Variants in MAPK14 observed in about 807,000 individuals in gnomAD.
MAPK14 encodes CSAID-binding protein.
In MAPK14, 16 loss-of-function variants were observed where a neutral mutation model predicts 49.6. The observed-to-expected ratio is 0.32, with a 90% confidence interval of 0.22 to 0.49. The LOEUF (loss-of-function observed/expected upper bound fraction) is 0.49. Ranked by LOEUF, MAPK14 falls within the 20% of genes least tolerant of loss-of-function variation. MAPK14 has a pLI of 0.99. For missense variants in MAPK14, 200 were observed against 441.2 expected (o/e 0.45, Z 4.90); for synonymous variants, 142 against 158.0 (o/e 0.90, Z 0.76).
intron 1 of MAPK14, among the ~76,000 whole-genome samples, chr6:36,051,187 C>G (rs191920125): frequency 2.2e-4 from 33 of 151,584 alleles, no homozygotes; most frequent in African/African-American, 7.0e-4. Flanking sequence ...GCAATCTCAG[C>G]TCACTGCAAC....
At chr6:36,079,617 C>G (rs1764668590) in intron 8 of MAPK14, among the ~76,000 whole-genome samples, 2 of 152,188 alleles carry the variant, frequency 1.3e-5, no homozygotes, top group South Asian at 4.1e-4. Flanking sequence ...AAAGCTTGCT[C>G]TAGAAGGTAC....
At chr6:36,113,428 C>A (rs1479151979), downstream of MAPK14, among the ~76,000 whole-genome samples, 1 of 144,134 alleles carries the variant, frequency 6.9e-6, no homozygotes, top group Non-Finnish European at 1.5e-5. Flanking sequence ...CAGCAAAATA[C>A]TGGAAGTAAC....
rs1021923083 is a variant in MAPK14 at position 36,110,063 on chromosome 6, G to A, written c.*1616G>A. 1.3e-5 allele frequency: 2 copies of A among 152,136 alleles called. No homozygotes were observed. The highest frequency in any genetic ancestry group is 6.5e-5 in the Admixed American group (1 of 15,270). 9.4% of individuals were successfully genotyped at this position (152,136 alleles called of 1,614,324 possible). A position where few individuals can be genotyped will look rare whatever the true frequency, so the allele number is the denominator to read the frequency against. Reference sequence around the variant, plus strand: ...TTTATAAAGATAAAATATCCTCAGGGGTGGAGAAGTGTCGTTTTCATAACT... The same window carrying A: ...TTTATAAAGATAAAATATCCTCAGGAGTGGAGAAGTGTCGTTTTCATAACT... On this transcript the variant is annotated 3_prime_UTR_variant, in exon 12 of 12. Coordinates refer to ENST00000229794, the MANE Select transcript of MAPK14 (RefSeq NM_139012.3).
the MAPK14 span, among the ~76,000 whole-genome samples, chr6:36,119,766 G>T: frequency 1.3e-5 from 2 of 152,002 alleles, no homozygotes; most frequent in Non-Finnish European, 2.9e-5. Context: ...CGCACAGGAC[G>T]GCCCCCACAA....
intron 8 of MAPK14, among the ~76,000 whole-genome samples, chr6:36,087,029 A>C (rs1765013234): frequency 6.6e-6 from 1 of 152,252 alleles, no homozygotes; most frequent in Non-Finnish European, 1.5e-5. Context: ...ACATAAACAG[A>C]ACTAAAGGCA....
At chr6:36,045,734 G>T (rs113885326) in intron 1 of MAPK14, among the ~76,000 whole-genome samples, 17,499 of 150,420 alleles carry the variant, frequency 0.12, 975 homozygotes, top group African/African-American at 0.17. Flanking sequence ...GCGTGAACCC[G>T]GGAGGCGGTG....
intron 8 of MAPK14, among the ~76,000 whole-genome samples, chr6:36,086,453 A>G (rs1403176087): frequency 6.6e-6 from 1 of 152,202 alleles, no homozygotes; most frequent in Admixed American, 6.5e-5. Context: ...AGACACAATA[A>G]AAATGATAAA....
At chr6:36,039,856 C>T (rs568990385) in intron 1 of MAPK14, among the ~76,000 whole-genome samples, 1 of 151,952 alleles carries the variant, frequency 6.6e-6, no homozygotes, top group East Asian at 1.9e-4. Context: ...ATTAGTTGGG[C>T]ATGGTGGTGT....
chr6:36,067,176 A>G (rs1036869201), intron 3 of MAPK14, among the ~76,000 whole-genome samples: 3 of 152,144 alleles, frequency 2.0e-5, no homozygotes, highest in African/African-American at 7.2e-5. Flanking sequence ...TTTGCCTGAC[A>G]TGATCAATAA....
At chr6:36,089,103 G>A (rs963818424) in intron 8 of MAPK14, among the ~76,000 whole-genome samples, 6 of 152,168 alleles carry the variant, frequency 3.9e-5, no homozygotes, top group African/African-American at 1.4e-4. Flanking sequence ...ATACATGCAT[G>A]TGTATGTTGA....
intron 8 of MAPK14, among the ~76,000 whole-genome samples, chr6:36,082,928 G>A (rs1216232153): frequency 3.9e-5 from 6 of 152,284 alleles, no homozygotes; most frequent in African/African-American, 1.4e-4. Context: ...ATCCCTTCAA[G>A]TTATCTTCCT....
At chr6:36,065,194 G>A (rs1025792821) in intron 3 of MAPK14, among the ~76,000 whole-genome samples, 1 of 152,148 alleles carries the variant, frequency 6.6e-6, no homozygotes, top group African/African-American at 2.4e-5. Flanking sequence ...TTTTGTTATT[G>A]TCTGTCTTCT....
At chr6:36,079,760 C>T (rs1764674417) in intron 8 of MAPK14, among the ~76,000 whole-genome samples, 1 of 152,060 alleles carries the variant, frequency 6.6e-6, no homozygotes, top group Non-Finnish European at 1.5e-5. Context: ...TGTTTTATAT[C>T]TGTGCTATCC....
At chr6:36,095,921 T>C in intron 8 of MAPK14, 66 bp from the exon 9 acceptor site, 3 of 1,009,352 alleles carry the variant, frequency 3.0e-6, no homozygotes, top group East Asian at 2.4e-5. Flanking sequence ...GTTTTTGTTT[T>C]GTTTGTCATT....
intron 1 of MAPK14, among the ~76,000 whole-genome samples, chr6:36,052,151 A>G (rs6921999): frequency 0.14 from 21,787 of 152,052 alleles, 1,939 homozygotes; most frequent in African/African-American, 0.26. Flanking sequence ...TAGGTGCTCA[A>G]GAAATATTTG....
chr6:36,033,392 C>T (rs1052791172), intron 1 of MAPK14, among the ~76,000 whole-genome samples: 5 of 151,686 alleles, frequency 3.3e-5, no homozygotes, highest in East Asian at 1.9e-4. Flanking sequence ...TCTCGGCTCA[C>T]GGCAGCCTCT....
intron 1 of MAPK14, among the ~76,000 whole-genome samples, chr6:36,045,101 C>A (rs1370427129): frequency 1.3e-5 from 2 of 151,892 alleles, no homozygotes; most frequent in Non-Finnish European, 2.9e-5. Flanking sequence ...TGACTCCACT[C>A]CAGCCTGGAT....
rs561704261 is a variant in MAPK14, at chr6:36,055,008, G to A, written c.246+2180G>A. On this transcript the variant is annotated intron_variant, in intron 2 of 11. Coordinates refer to ENST00000229794, the MANE Select transcript of MAPK14 (RefSeq NM_139012.3). ...TAGTTCATCTTGAATTGTCTCTTCT[G>A]TTAGTGATCATGAATAATAGATAAA... is the stretch of plus-strand genomic sequence containing the variant. Among the ~76,000 whole-genome samples the A allele has an allele frequency of 2.0e-4, 31 of 152,362 alleles. No homozygotes were observed. In the East Asian group the frequency reaches 5.4e-3, roughly 27 times the overall value.
chr6:36,104,292 G>A (rs376956445), intron 10 of MAPK14, among the ~76,000 whole-genome samples: 3 of 152,212 alleles, frequency 2.0e-5, no homozygotes, highest in African/African-American at 7.2e-5. Context: ...GGCTTTGTGT[G>A]ATTTATTTGA....
Sources: gnomAD v4.1 joint callset for allele counts (sites outside exome capture counted in the v4.1 genomes callset) on GRCh38, gnomAD v4.1.1 for gene constraint, MANE v1.5 for transcripts, NCBI Gene and HGNC (gene_info 2026-07-23, HGNC 2026-07-21) for gene names.